Variants in SNX24 observed in about 807,000 individuals in gnomAD.
The protein encoded by SNX24 is sorting nexin-24.
Under a neutral mutation model 28.7 loss-of-function variants are expected in SNX24, and 22 were observed. The ratio of observed to expected loss-of-function variants is 0.77; its 90% CI spans 0.55 to 1.10. SNX24 has a LOEUF of 1.10. SNX24 is among the 50% of genes least tolerant of loss of function. The pLI is 0.00. For missense variants in SNX24, 221 were observed against 201.1 expected (o/e 1.10, Z -0.60); for synonymous variants, 69 against 71.5 (o/e 0.96, Z 0.18).
At chr5:122,910,232 C>T (rs919600437) in intron 1 of SNX24, among the ~76,000 whole-genome samples, 6 of 152,266 alleles carry the variant, frequency 3.9e-5, no homozygotes, top group African/African-American at 9.6e-5. Context: ...TGTGTCAGGA[C>T]GTCTTGAGAC....
chr5:122,890,134 C>T (rs553384896), intron 1 of SNX24, among the ~76,000 whole-genome samples: 19 of 152,086 alleles, frequency 1.2e-4, no homozygotes, highest in Admixed American at 1.0e-3. Context: ...ATTTAGGTGA[C>T]GCATTTGGGG....
In SNX24 at chr5:122,979,100, A is replaced by G. The variant is rs563793426; in HGVS notation, c.250-20812A>G. On this transcript the variant is annotated intron_variant, in intron 3 of 6. Transcript: ENST00000261369. ...TCTACCACTCTGGATTTCACAGGTT[A>G]CAATAGTAGTACCCCCACCATTTGC... 1.1e-4 allele frequency among the ~76,000 whole-genome samples: 17 copies of G among 152,310 alleles called. No individual in the cohort carries two copies. In the South Asian group the frequency reaches 3.5e-3, roughly 32 times the overall value.
chr5:122,861,381 G>A (rs1386416857), intron 1 of SNX24, among the ~76,000 whole-genome samples: 1 of 152,120 alleles, frequency 6.6e-6, no homozygotes, highest in Non-Finnish European at 1.5e-5. Context: ...GCCCTGCGAA[G>A]TATTACTACT....
chr5:122,882,933 G>A (rs1339613763), intron 1 of SNX24, among the ~76,000 whole-genome samples: 1 of 152,116 alleles, frequency 6.6e-6, no homozygotes, highest in Admixed American at 6.5e-5. Flanking sequence ...GGGAGTAGGA[G>A]AGGAATTGGA....
chr5:122,888,324 G>C (rs994423977), intron 1 of SNX24, among the ~76,000 whole-genome samples: 1 of 152,166 alleles, frequency 6.6e-6, no homozygotes, highest in African/African-American at 2.4e-5. Flanking sequence ...GAGGGAGAGA[G>C]TATAGCACAG....
In SNX24 at chr5:123,008,889, G is replaced by A. The variant is rs1017205887; in HGVS notation, c.*1140G>A. The A allele has an allele frequency of 2.0e-6, 2 of 983,842 alleles. No homozygotes were observed. The highest frequency in any genetic ancestry group is 9.4e-5 in the South Asian group (2 of 21,252). The allele number at this position is 983,842 out of a possible 1,614,324, so 60.9% of individuals were successfully genotyped here. A position where few individuals can be genotyped will look rare whatever the true frequency, so the allele number is the denominator to read the frequency against. ...CTACCTATATGTATGTGCTGTATGTGGGCATTTCATTGAGATCTAATTAAT... is the reference window on the plus strand; with the variant it reads ...CTACCTATATGTATGTGCTGTATGTAGGCATTTCATTGAGATCTAATTAAT... On this transcript the variant is annotated 3_prime_UTR_variant, in exon 7 of 7. Transcript: ENST00000261369.
At chr5:123,018,240 G>A (rs779549569) in intron 5 of SNX24, among the ~76,000 whole-genome samples, 4 of 151,960 alleles carry the variant, frequency 2.6e-5, no homozygotes, top group East Asian at 3.9e-4. Context: ...AAGCAGACAC[G>A]GTTAAATCAA....
chr5:122,936,758 A>C lies in SNX24; in HGVS notation c.85A>C (p.Asn29His). The C allele has an allele frequency of 6.2e-7, 1 of 1,604,076 alleles. No individual in the cohort carries two copies. The highest frequency in any genetic ancestry group is 8.5e-7 in the Non-Finnish European group (1 of 1,172,154). ...YTVFKIEVLM[N>H]GRKHFVEKRY... ...GGTGTTTAAGATAGAAGTGCTAATG[A>C]ATGGAAGAAAACATTTTGTTGAAAA... Residue 29 changes from asparagine (N) to histidine (H), a missense_variant, in exon 2 of 7, where the codon AAT (asparagine) becomes CAT (histidine). By Grantham distance (68) the Asn-to-His change is moderately conservative. Coordinates refer to ENST00000261369, the MANE Select transcript of SNX24 (RefSeq NM_014035.4).
At chr5:122,992,872 A>T (rs1411490220) in intron 3 of SNX24, among the ~76,000 whole-genome samples, 2 of 152,148 alleles carry the variant, frequency 1.3e-5, no homozygotes, top group African/African-American at 4.8e-5. Flanking sequence ...GTAAGCTTTG[A>T]TATTAAAATA....
chr5:123,002,553 A>G (rs1050936976), intron 6 of SNX24, among the ~76,000 whole-genome samples: 18 of 152,098 alleles, frequency 1.2e-4, no homozygotes, highest in African/African-American at 3.9e-4. Context: ...AATGGCGTGA[A>G]CCCGGGAGGC....
intron 1 of SNX24, among the ~76,000 whole-genome samples, chr5:122,902,038 A>T (rs1023374667): frequency 6.6e-6 from 1 of 152,208 alleles, no homozygotes; most frequent in Non-Finnish European, 1.5e-5. Context: ...AAACATAAGA[A>T]CAGTCATTGT....
At chr5:123,015,703 C>T (rs1019451098) in intron 5 of SNX24, among the ~76,000 whole-genome samples, 30 of 152,054 alleles carry the variant, frequency 2.0e-4, no homozygotes, top group Admixed American at 1.7e-3. Context: ...AGTCCTAGGG[C>T]ACTTCAAATT....
chr5:122,883,566 A>G (rs1247133919), intron 1 of SNX24, among the ~76,000 whole-genome samples: 2 of 152,150 alleles, frequency 1.3e-5, no homozygotes, highest in Non-Finnish European at 2.9e-5. Flanking sequence ...CATTACCTTA[A>G]GGTGTTAATG....
At chr5:122,847,788 C>A (rs1426374157) in intron 1 of SNX24, among the ~76,000 whole-genome samples, 1 of 152,150 alleles carries the variant, frequency 6.6e-6, no homozygotes, top group African/African-American at 2.4e-5. Context: ...GCCACCACAC[C>A]CAGCCCTAAA....
At chr5:122,958,691 A>T (rs967055768) in intron 3 of SNX24, among the ~76,000 whole-genome samples, 4 of 150,176 alleles carry the variant, frequency 2.7e-5, no homozygotes, top group Admixed American at 6.7e-5. Context: ...ACTTGGTCAT[A>T]CTTTATAGTC....
At chr5:123,018,735 G>A (rs1039758555) in intron 5 of SNX24, among the ~76,000 whole-genome samples, 5 of 151,834 alleles carry the variant, frequency 3.3e-5, no homozygotes, top group African/African-American at 1.2e-4. Flanking sequence ...TGCCCAGGCT[G>A]GAGTGCAGTG....
intron 1 of SNX24, among the ~76,000 whole-genome samples, chr5:122,862,616 A>AG (rs1755520713): frequency 6.6e-6 from 1 of 151,688 alleles, no homozygotes; most frequent in African/African-American, 2.4e-5. Context: ...AAAAAAAAAA[A>AG]AAAGAGAAAG....
intron 4 of SNX24, among the ~76,000 whole-genome samples, chr5:123,000,995 T>C (rs448505): frequency 0.22 from 33,999 of 152,256 alleles, 4,853 homozygotes; most frequent in Non-Finnish European, 0.33. Context: ...TTTCCACTTA[T>C]TGCATAACAA....
At chr5:123,013,807 G>A (rs1762635085), downstream of SNX24, among the ~76,000 whole-genome samples, 1 of 149,412 alleles carries the variant, frequency 6.7e-6, no homozygotes, top group South Asian at 2.1e-4. Flanking sequence ...TATGTACTGA[G>A]TTTCTACTGG....
Sources: allele counts gnomAD v4.1 joint callset (sites outside exome capture counted in the v4.1 genomes callset), GRCh38; gene constraint gnomAD v4.1.1; transcripts MANE v1.5; gene names NCBI Gene and HGNC (gene_info 2026-07-23, HGNC 2026-07-21).